Variants in MEIOB observed in about 807,000 individuals in gnomAD.
MEIOB encodes the protein meiosis specific with OB-fold.
A neutral mutation model predicts 53.1 loss-of-function variants in MEIOB; 50 were observed. The ratio of observed to expected loss-of-function variants is 0.94; its 90% CI spans 0.75 to 1.19. MEIOB has a LOEUF of 1.19. Ranked by LOEUF, MEIOB falls within the 50% of genes most tolerant of loss-of-function variation. The pLI, the probability that MEIOB is intolerant of heterozygous loss-of-function variation, is 0.00. For missense variants in MEIOB, 551 were observed against 550.8 expected, an observed-to-expected ratio of 1.00 and a Z score of 0.00; for synonymous variants, 192 against 182.5, an observed-to-expected ratio of 1.05 and a Z score of -0.42.
intron 2 of MEIOB, among the ~76,000 whole-genome samples, chr16:1,866,176 TA>T (rs1899588831): frequency 6.6e-6 from 1 of 152,246 alleles, no homozygotes; most frequent in African/African-American, 2.4e-5. Flanking sequence ...TAATGCAATT[TA>T]ATTTGCCACA....
intron 1 of MEIOB, among the ~76,000 whole-genome samples, chr16:1,870,656 C>T (rs546565212): frequency 1.3e-5 from 2 of 152,228 alleles, no homozygotes; most frequent in East Asian, 3.9e-4. Context: ...CAATGATGGC[C>T]CTGCTTGTCA....
intron 13 of MEIOB, among the ~76,000 whole-genome samples, chr16:1,835,070 T>C (rs1898705662): frequency 6.6e-6 from 1 of 151,324 alleles, no homozygotes; most frequent in Non-Finnish European, 1.5e-5. Flanking sequence ...GCCTGGCCAA[T>C]AAAGTGAAAC....
At chr16:1,853,002 T>G (rs777104336) in intron 9 of MEIOB, 37 bp downstream of exon 9, 1 of 1,266,272 alleles carries the variant, frequency 7.9e-7, no homozygotes, top group Non-Finnish European at 1.2e-6. Flanking sequence ...TGTTCAGTCA[T>G]TTCCAAAGGG....
At chr16:1,869,275 C>T (rs1008161570) in intron 1 of MEIOB, among the ~76,000 whole-genome samples, 8 of 152,096 alleles carry the variant, frequency 5.3e-5, no homozygotes, top group African/African-American at 1.9e-4. Context: ...CAGGCGCCTG[C>T]CACCATGCCC....
intron 9 of MEIOB, among the ~76,000 whole-genome samples, chr16:1,849,736 C>A (rs1395712495): frequency 1.3e-5 from 2 of 152,010 alleles, no homozygotes; most frequent in Non-Finnish European, 1.5e-5. Context: ...TCCTTTAAAT[C>A]TGTTTCCTTG....
At chr16:1,842,883 C>G (rs999070457) in intron 10 of MEIOB, among the ~76,000 whole-genome samples, 122 of 149,032 alleles carry the variant, frequency 8.2e-4, no homozygotes, top group African/African-American at 2.7e-3. Flanking sequence ...AGGATGGTTT[C>G]CATCTCCTGA....
intron 2 of MEIOB, among the ~76,000 whole-genome samples, chr16:1,867,159 A>C (rs1899613338): frequency 6.6e-6 from 1 of 152,206 alleles, no homozygotes; most frequent in African/African-American, 2.4e-5. Flanking sequence ...CAAAAGCAAA[A>C]TATAAATAGC....
chr16:1,844,548 A>G, intron 10 of MEIOB, among the ~76,000 whole-genome samples: 1 of 146,760 alleles, frequency 6.8e-6, no homozygotes, highest in African/African-American at 2.5e-5. Context: ...TGCAACCTCC[A>G]CCTCCCAGGT....
At chr16:1,870,022 T>C (rs2575333) in intron 1 of MEIOB, among the ~76,000 whole-genome samples, 124,923 of 151,414 alleles carry the variant, frequency 0.83, 51,653 homozygotes, top group Middle Eastern at 0.9. Context: ...CAGGCATGTG[T>C]CACCTCACCC....
chr16:1,857,718 T>C lies in MEIOB; in HGVS notation c.528+17A>G. The stretch of plus-strand genomic sequence containing the variant: ...CCCTGCCAGATTGCACTTGGCTTTG[T>C]CGGGGTTTTAACTTACCGATTTCAC... On this transcript the variant is annotated intron_variant, in intron 6 of 13. Coordinates refer to ENST00000325962, the MANE Select transcript of MEIOB (RefSeq NM_001163560.3). 6.5e-7 allele frequency: 1 copy of C among 1,548,886 alleles called. No individual in the cohort carries two copies. The highest frequency in any genetic ancestry group is 2.4e-5 in the East Asian group (1 of 40,830).
At chr16:1,846,737 G>C (rs891172499) in intron 9 of MEIOB, among the ~76,000 whole-genome samples, 1 of 152,138 alleles carries the variant, frequency 6.6e-6, no homozygotes, top group Non-Finnish European at 1.5e-5. Context: ...ACTCATAAGT[G>C]GGAGCTGAAC....
At position 1,834,298 on chromosome 16, in the gene MEIOB, AG is replaced by A. The variant is rs1898680041; in HGVS notation, c.1373del (p.Pro458LeufsTer37). On this transcript the variant is annotated frameshift_variant, in exon 14 of 14. Coordinates refer to ENST00000325962, the MANE Select transcript of MEIOB (RefSeq NM_001163560.3). LOFTEE classifies it high-confidence loss of function. ...ISVLSCKLAD[P>X]TEASRNLSGQ... ...CAGACAAGTTTCTGCTTGCCTCAGTAGGATCTGCAAGCTTGCACGAGAGTAC... is the reference window on the plus strand; with the variant it reads ...CAGACAAGTTTCTGCTTGCCTCAGTAGATCTGCAAGCTTGCACGAGAGTAC... 1 of 1,612,794 alleles carries A rather than the reference AG, an allele frequency of 6.2e-7. No individual in the cohort carries two copies. Among genetic ancestry groups the A allele is most frequent in the Admixed American group, 1.7e-5 (1 of 59,938 alleles).
chr16:1,859,284 G>A (rs1057413182), intron 5 of MEIOB, among the ~76,000 whole-genome samples: 9 of 152,228 alleles, frequency 5.9e-5, no homozygotes, highest in Non-Finnish European at 8.8e-5. Context: ...GCTCACGCCT[G>A]TAATCCCAGC....
chr16:1,868,765 G>A (rs1357027670), intron 1 of MEIOB, among the ~76,000 whole-genome samples: 1 of 151,750 alleles, frequency 6.6e-6, no homozygotes, highest in Non-Finnish European at 1.5e-5. Flanking sequence ...TGAGGCAGGA[G>A]AATGGCGTGA....
chr16:1,867,582 C>T (rs1167439471), intron 2 of MEIOB, among the ~76,000 whole-genome samples: 2 of 149,646 alleles, frequency 1.3e-5, no homozygotes, highest in African/African-American at 2.5e-5. Context: ...AAGCGATTCT[C>T]CTGCCTCAGC....
intron 12 of MEIOB, 99 bp downstream of exon 12, chr16:1,839,156 C>T: frequency 7.3e-7 from 1 of 1,360,780 alleles, no homozygotes; most frequent in East Asian, 2.6e-5. Context: ...ATTAGTGAAT[C>T]AATTTCTATC....
chr16:1,862,354 C>T (rs1899468678), intron 3 of MEIOB, among the ~76,000 whole-genome samples: 1 of 152,098 alleles, frequency 6.6e-6, no homozygotes. Context: ...TAACAGGTTG[C>T]CCCCTTGCTC....
chr16:1,861,606 G>T (rs116708337), intron 4 of MEIOB, among the ~76,000 whole-genome samples: 42 of 139,860 alleles, frequency 3.0e-4, no homozygotes, highest in African/African-American at 1.0e-3. Context: ...GCAGAGGTAC[G>T]ATGTTGGCTC....
chr16:1,842,950 C>G (rs1363525900), intron 10 of MEIOB, among the ~76,000 whole-genome samples: 1 of 144,392 alleles, frequency 6.9e-6, no homozygotes, highest in Non-Finnish European at 1.5e-5. Flanking sequence ...GCGTGAGCCA[C>G]CGCGCCCGGC....
Sources: gnomAD v4.1 joint callset for allele counts (sites outside exome capture counted in the v4.1 genomes callset) on GRCh38, gnomAD v4.1.1 for gene constraint, MANE v1.5 for transcripts, NCBI Gene and HGNC (gene_info 2026-07-23, HGNC 2026-07-21) for gene names.